GRHL3: variants seen among roughly 807,000 people sequenced by gnomAD.
GRHL3 encodes the protein grainyhead-like protein 3 homolog.
GRHL3 carries 20 observed loss-of-function variants against 70.3 expected under a neutral mutation model. That is an observed-to-expected ratio of 0.28 (90% confidence interval 0.20 to 0.41). The LOEUF (loss-of-function observed/expected upper bound fraction) is 0.41, where lower values mean the gene tolerates loss of function less well. GRHL3 is among the 10% of genes least tolerant of loss of function. GRHL3 has a pLI of 1.00. For missense variants in GRHL3, 637 were observed against 762.3 expected (o/e 0.84, Z 1.94); for synonymous variants, 299 against 299.9 (o/e 1.00, Z 0.03).
intron 13 of GRHL3, among the ~76,000 whole-genome samples, chr1:24,347,095 C>G (rs769161498): frequency 6.6e-5 from 10 of 152,372 alleles, no homozygotes; most frequent in Admixed American, 1.3e-4. Flanking sequence ...TCAAAAGCTT[C>G]CAGCAGCCAT....
chr1:24,347,622 C>T (rs965450337), intron 14 of GRHL3, 69 bp downstream of exon 14: 28 of 1,227,788 alleles, frequency 2.3e-5, no homozygotes, highest in Non-Finnish European at 3.1e-5. Flanking sequence ...CTCCTCACCA[C>T]GCAGTTCTGA....
chr1:24,327,754 C>T (rs1639450073), intron 1 of GRHL3, among the ~76,000 whole-genome samples: 2 of 152,196 alleles, frequency 1.3e-5, no homozygotes, highest in Non-Finnish European at 2.9e-5. Context: ...GAGTAGGACT[C>T]ACTCCTTCTT....
intron 2 of GRHL3, among the ~76,000 whole-genome samples, chr1:24,332,578 T>C (rs892559027): frequency 2.0e-5 from 3 of 152,178 alleles, no homozygotes; most frequent in South Asian, 2.1e-4. Flanking sequence ...AGGCCCTACT[T>C]ATCTGTCTGA....
downstream of GRHL3, among the ~76,000 whole-genome samples, chr1:24,359,644 A>T (rs1450223153): frequency 1.4e-4 from 21 of 152,280 alleles, no homozygotes; most frequent in East Asian, 3.5e-3. The surrounding 1 kb of genome is among the most constrained non-coding windows in gnomAD (Gnocchi z 5.3). Flanking sequence ...GGCCCAGGTC[A>T]TCTTGGCTCC....
chr1:24,354,557 C>T lies in GRHL3; in HGVS notation c.*69C>T, dbSNP rs968234009. 13 of 948,894 alleles carry T rather than the reference C, an allele frequency of 1.4e-5. No homozygotes were observed. The South Asian group carries it at 1.7e-4, about 13-fold the overall frequency. 58.8% of individuals were successfully genotyped at this position (948,894 alleles called of 1,614,324 possible). On this transcript the variant is annotated 3_prime_UTR_variant, in exon 16 of 16. Transcript: ENST00000361548. ...CAGGGACGTGGCCCCACGCCACACACAACCTCTCCACATGCCTCAGCGCTG... is the reference window on the plus strand; with the variant it reads ...CAGGGACGTGGCCCCACGCCACACATAACCTCTCCACATGCCTCAGCGCTG...
At chr1:24,335,590 T>A (rs1250445516) in intron 3 of GRHL3, among the ~76,000 whole-genome samples, 2 of 151,488 alleles carry the variant, frequency 1.3e-5, no homozygotes, top group African/African-American at 2.4e-5. Flanking sequence ...ACTAATTTTT[T>A]TTTTTTTTTT....
chr1:24,333,839 T>A (rs555401722), intron 2 of GRHL3, among the ~76,000 whole-genome samples: 62 of 152,314 alleles, frequency 4.1e-4, no homozygotes, highest in African/African-American at 1.4e-3. Context: ...GATTAAGAGA[T>A]GAGAAGGCAC....
At position 24,322,913 on chromosome 1, in the gene GRHL3, A is replaced by G. The variant is rs1017453662; in HGVS notation, c.17+3345A>G. On this transcript the variant is annotated intron_variant, in intron 1 of 15. Transcript: ENST00000361548. This position sits in a 1 kb window ranked among gnomAD's most constrained non-coding sequence, Gnocchi z 4.4. ...GAGTGTAAATGCAGTTTTGCCGAAG[A>G]GGGGACCCAGACCTGGTTCAGGCTT... 6.2e-5 allele frequency: 37 copies of G among 600,170 alleles called. No homozygotes were observed. Among genetic ancestry groups the G allele is most frequent in the Non-Finnish European group, 1.0e-4 (35 of 337,498 alleles). 37.2% of individuals were successfully genotyped at this position (600,170 alleles called of 1,614,324 possible).
intron 8 of GRHL3, among the ~76,000 whole-genome samples, chr1:24,341,356 C>T (rs1372168752): frequency 6.6e-6 from 1 of 152,198 alleles, no homozygotes; most frequent in Admixed American, 6.5e-5. Context: ...GAAACCGAGG[C>T]TCAGTGAGGT....
Position 24,337,655 on chromosome 1 carries a change from G to A in GRHL3, c.706G>A (p.Gly236Ser), listed in dbSNP as rs1425944925. 1.2e-6 allele frequency: 2 copies of A among 1,614,084 alleles called. No individual in the cohort carries two copies. The highest frequency in any genetic ancestry group is 3.3e-5 in the Admixed American group (2 of 60,020). The change falls in exon 6 of 16, where the codon GGC becomes AGC. Residue 236 changes from glycine to serine, a missense_variant. By Grantham distance (56) the Gly-to-Ser change is moderately conservative. This residue lies in a region of GRHL3 where 387 missense variants were observed against 513.8 expected (regional missense o/e 0.75). Transcript: ENST00000361548. Reference protein sequence around the residue: ...SLKSDFEYTLGSPKAIHIKSG... With the variant: ...SLKSDFEYTLSSPKAIHIKSG... ...CTGCAGTGACTTTGAATACACCCTG[G>A]GCTCCCCCAAAGCCATCCACATCAA...
At position 24,364,275 on chromosome 1, in the gene GRHL3, G is replaced by T. The variant is rs112469942; in HGVS notation, c.1785G>T (p.Met595Ile). Residue 595 changes from methionine to isoleucine, a missense_variant, in exon 16 of 16, where the codon ATG becomes ATT. Physicochemically the swap from Met to Ile is conservative, Grantham distance 10 (BLOSUM62 1). Transcript: ENST00000350501. ...ATCCTGTGACTCAAGTGAGGAACAT[G>T]GGTTTTGGAGATGGATTTTGGAGGC... 21 of 1,549,292 alleles carry T rather than the reference G, an allele frequency of 1.4e-5. No homozygotes were observed. The African/African-American group carries it at 2.1e-4, about 15-fold the overall frequency.
chr1:24,324,305 C>T (rs1241964430), intron 1 of GRHL3, among the ~76,000 whole-genome samples: 2 of 152,058 alleles, frequency 1.3e-5, no homozygotes, highest in Non-Finnish European at 2.9e-5. Flanking sequence ...GCCTGACCAC[C>T]GTCAACTTGC....
At position 24,319,399 on chromosome 1, in the gene GRHL3, G is replaced by T; in HGVS notation, c.-153G>T. 1 of 812,104 alleles carries T rather than the reference G, an allele frequency of 1.2e-6. No homozygotes were observed. The highest frequency in any genetic ancestry group is 1.4e-5 in the South Asian group (1 of 71,852). 50.3% of individuals were successfully genotyped at this position (812,104 alleles called of 1,614,324 possible). ...CCTGTAGCCAATCAGCGCCAGCGCTGCTGGGAACCTACCTGTCAGCAAAAT... is the reference window on the plus strand; with the variant it reads ...CCTGTAGCCAATCAGCGCCAGCGCTTCTGGGAACCTACCTGTCAGCAAAAT... On this transcript the variant is annotated 5_prime_UTR_variant, in exon 1 of 16. Coordinates refer to ENST00000361548, the MANE Select transcript of GRHL3 (RefSeq NM_198173.3).
chr1:24,346,489 A>C (rs1371875695), intron 12 of GRHL3, 64 bp from the exon 13 acceptor site: 1 of 1,097,518 alleles, frequency 9.1e-7, no homozygotes, highest in Non-Finnish European at 1.4e-6. Flanking sequence ...GAGGCCCAGC[A>C]GGGTCCTTGA....
Position 24,346,127 on chromosome 1 carries a change from C to G in GRHL3, c.1455-426C>G, listed in dbSNP as rs145102398. Among the ~76,000 whole-genome samples the G allele has an allele frequency of 3.3e-3, 507 of 151,820 alleles. 7 individuals carry two copies. The highest frequency in any genetic ancestry group is 0.011 in the African/African-American group (441 of 41,334). Reference sequence around the variant, plus strand: ...AAAGCCCCCAGTCCTTCCACCCCCCCACCCCGCCTCACATCTGACCTGACT... The same window carrying G: ...AAAGCCCCCAGTCCTTCCACCCCCCGACCCCGCCTCACATCTGACCTGACT... On this transcript the variant is annotated intron_variant, in intron 12 of 15. Transcript: ENST00000361548.
At chr1:24,364,129 C>T in intron 15 of GRHL3, 1 of 1,467,900 alleles carries the variant, frequency 6.8e-7, no homozygotes, top group Non-Finnish European at 9.1e-7. Flanking sequence ...CTGTGAGAAA[C>T]ACCAACTTTC....
intron 1 of GRHL3, chr1:24,319,847 C>A: frequency 1.1e-6 from 1 of 904,652 alleles, no homozygotes; most frequent in Non-Finnish European, 1.6e-6. Context: ...AGGTTTCTGG[C>A]ACCACTTTTT....
intron 15 of GRHL3, among the ~76,000 whole-genome samples, chr1:24,354,003 C>T (rs1371532409): frequency 6.6e-6 from 1 of 152,202 alleles, no homozygotes; most frequent in Non-Finnish European, 1.5e-5. Context: ...GGCTTGAACT[C>T]ACACTTCATG....
chr1:24,338,025 G>T lies in GRHL3; in HGVS notation c.874G>T (p.Val292Phe), dbSNP rs1447998434. 1.2e-6 allele frequency: 2 copies of T among 1,612,768 alleles called. No individual in the cohort carries two copies. The highest frequency in any genetic ancestry group is 1.7e-5 in the Admixed American group (1 of 59,744). ...VVMVVFDNEKVPVEQLRFWKH... is the reference protein window; with the variant it reads ...VVMVVFDNEKFPVEQLRFWKH... ...GATGGTTGTCTTCGACAATGAGAAG[G>T]TCCCAGTAGAGCAGCTGCGCTTCTG... The change falls in exon 7 of 16, where the codon GTC (valine) becomes TTC (phenylalanine). Residue 292 changes from valine (V) to phenylalanine (F), a missense_variant. Physicochemically the swap from Val to Phe is conservative, Grantham distance 50. Around this residue, in one of 2 missense-constraint regions of GRHL3, gnomAD observed 387 missense variants for 513.8 expected, o/e 0.75. Coordinates refer to ENST00000361548, the MANE Select transcript of GRHL3 (RefSeq NM_198173.3).
Sources: allele counts gnomAD v4.1 joint callset (sites outside exome capture counted in the v4.1 genomes callset), GRCh38; gene constraint gnomAD v4.1.1; regional missense constraint gnomAD v4.1.1; non-coding constraint Gnocchi (gnomAD v3.1); transcripts MANE v1.5; gene names NCBI Gene and HGNC (gene_info 2026-07-23, HGNC 2026-07-21).